L3HYPDH: variants seen among roughly 807,000 people sequenced by gnomAD.
L3HYPDH encodes trans-L-3-hydroxyproline dehydratase.
A neutral mutation model predicts 26.5 loss-of-function variants in L3HYPDH; 32 were observed. The observed-to-expected ratio is 1.21, with a 90% CI of 0.91 to 1.62. The LOEUF (loss-of-function observed/expected upper bound fraction) is 1.62. Among genes scored for constraint, L3HYPDH ranks in the 40% most tolerant of loss-of-function variants. The pLI, the probability that L3HYPDH is intolerant of heterozygous loss-of-function variation, is 0.00. For synonymous variants in L3HYPDH, 215 were observed against 196.6 expected (o/e 1.09, Z -0.78); for missense variants, 554 against 476.4 (o/e 1.16, Z -1.52).
chr14:59,489,083 CAAGTT>C (rs1890795394), upstream of L3HYPDH, among the ~76,000 whole-genome samples: 1 of 152,268 alleles, frequency 6.6e-6, no homozygotes, highest in South Asian at 2.1e-4. Context: ...ACCTCTCTAG[CAAGTT>C]GCTGTACAGC....
intron 2 of L3HYPDH, among the ~76,000 whole-genome samples, chr14:59,477,621 T>C (rs893131907): frequency 3.9e-5 from 6 of 152,256 alleles, no homozygotes; most frequent in Non-Finnish European, 8.8e-5. Flanking sequence ...ACTCAGACTA[T>C]TAGCTGTCCT....
At chr14:59,484,846 C>T (rs1890404120), upstream of L3HYPDH, 1 of 1,068,240 alleles carries the variant, frequency 9.4e-7, no homozygotes, top group Non-Finnish European at 1.3e-6. Flanking sequence ...CGAAATGTCT[C>T]TTCAGTCCCT....
At chr14:59,486,682 T>C (rs894084625), upstream of L3HYPDH, 12 of 1,406,970 alleles carry the variant, frequency 8.5e-6, no homozygotes, top group Non-Finnish European at 1.1e-5. Context: ...TCACAAAAGA[T>C]GTTACTATAC....
At chr14:59,496,633 T>C in the L3HYPDH span, among the ~76,000 whole-genome samples, 1 of 152,210 alleles carries the variant, frequency 6.6e-6, no homozygotes, top group African/African-American at 2.4e-5. Flanking sequence ...TTCTAATTTA[T>C]TGTAGCACTT....
the L3HYPDH span, among the ~76,000 whole-genome samples, chr14:59,503,039 C>G: frequency 6.6e-6 from 1 of 151,890 alleles, no homozygotes; most frequent in Non-Finnish European, 1.5e-5. Context: ...TGAGCCACCA[C>G]GCCTGACCTT....
intron 4 of L3HYPDH, chr14:59,474,498 G>A (rs951748835): frequency 1.7e-5 from 12 of 699,784 alleles, no homozygotes; most frequent in Middle Eastern, 2.3e-4. Flanking sequence ...GGGGGACATT[G>A]CAATCCCAGA....
At chr14:59,501,137 T>C in the L3HYPDH span, 2 of 1,109,588 alleles carry the variant, frequency 1.8e-6, no homozygotes, top group East Asian at 2.4e-5. Flanking sequence ...TATTTGATGG[T>C]TTATTGAGAA....
upstream of L3HYPDH, chr14:59,485,097 T>C (rs2139847552): frequency 1.9e-6 from 3 of 1,598,488 alleles, no homozygotes; most frequent in East Asian, 6.7e-5. Context: ...AACAGTCGCT[T>C]GGAGCCTGGG....
chr14:59,475,606 A>C (rs761776211), intron 4 of L3HYPDH, among the ~76,000 whole-genome samples: 2 of 152,194 alleles, frequency 1.3e-5, no homozygotes, highest in Non-Finnish European at 2.9e-5. Context: ...CACTCTTGAG[A>C]GAATGAGAGT....
At chr14:59,478,590 AAAT>A in intron 2 of L3HYPDH, 1 of 152,400 alleles carries the variant, frequency 6.6e-6, no homozygotes, top group Non-Finnish European at 1.5e-5. Context: ...GTCTCAAAAA[AAAT>A]AATATTATCA....
the L3HYPDH span, among the ~76,000 whole-genome samples, chr14:59,499,101 G>C: frequency 8.0e-6 from 1 of 124,298 alleles, no homozygotes; most frequent in African/African-American, 3.2e-5. Context: ...TCGGTTCACT[G>C]CAACCTCCGC....
intron 1 of L3HYPDH, among the ~76,000 whole-genome samples, chr14:59,481,027 T>C (rs1377890086): frequency 1.3e-5 from 2 of 152,120 alleles, no homozygotes; most frequent in African/African-American, 4.8e-5. Flanking sequence ...CAGGATGAAA[T>C]TGGGAAGCTG....
chr14:59,479,646 CCT>C (rs1455499752), intron 1 of L3HYPDH, among the ~76,000 whole-genome samples: 1 of 152,092 alleles, frequency 6.6e-6, no homozygotes, highest in Non-Finnish European at 1.5e-5. Flanking sequence ...AGGAAACACC[CCT>C]GAGGCCGAGA....
the L3HYPDH span, among the ~76,000 whole-genome samples, chr14:59,502,818 C>G: frequency 1.8e-5 from 2 of 111,224 alleles, no homozygotes; most frequent in Non-Finnish European, 3.4e-5. Flanking sequence ...GTGGTGCAGT[C>G]TTGGCTCACT....
At chr14:59,496,965 G>A in the L3HYPDH span, among the ~76,000 whole-genome samples, 6 of 121,848 alleles carry the variant, frequency 4.9e-5, no homozygotes, top group South Asian at 6.9e-4. Context: ...AAGCACTTCC[G>A]AAGGTTGTAG....
downstream of L3HYPDH, among the ~76,000 whole-genome samples, chr14:59,472,081 CAA>C (rs1889326374): frequency 1.3e-5 from 2 of 152,176 alleles, no homozygotes; most frequent in South Asian, 4.1e-4. Context: ...ACCTATCTCA[CAA>C]AAGACTCTAC....
chr14:59,478,177 A>G (rs918302110), intron 2 of L3HYPDH, among the ~76,000 whole-genome samples: 1 of 152,236 alleles, frequency 6.6e-6, no homozygotes, highest in South Asian at 2.1e-4. Context: ...TAACAGAATG[A>G]CCACACACAT....
At chr14:59,501,983 T>A in the L3HYPDH span, among the ~76,000 whole-genome samples, 1 of 152,172 alleles carries the variant, frequency 6.6e-6, no homozygotes, top group African/African-American at 2.4e-5. Flanking sequence ...AACGTTTATA[T>A]TTTCAAATAT....
chr14:59,475,777 C>A, intron 4 of L3HYPDH, 92 bp downstream of exon 4: 1 of 1,249,636 alleles, frequency 8.0e-7, no homozygotes, highest in South Asian at 1.5e-5. Context: ...CTTCTGAGAG[C>A]TGAGTGAAGA....
Sources: gnomAD v4.1 joint callset for allele counts (sites outside exome capture counted in the v4.1 genomes callset) on GRCh38, gnomAD v4.1.1 for gene constraint, MANE v1.5 for transcripts, NCBI Gene and HGNC (gene_info 2026-07-23, HGNC 2026-07-21) for gene names.